Variants in PRDM6 observed in about 807,000 individuals in gnomAD.
The protein encoded by PRDM6 is putative histone-lysine N-methyltransferase PRDM6.
In PRDM6, 25 loss-of-function variants were observed where a neutral mutation model predicts 60.8. That is an observed-to-expected ratio of 0.41 (90% CI 0.30 to 0.57). PRDM6 has a LOEUF of 0.57. Ranked by LOEUF, PRDM6 falls within the 20% of genes least tolerant of loss-of-function variation. PRDM6 has a pLI of 0.27. For synonymous variants in PRDM6, 407 were observed against 357.4 expected, an observed-to-expected ratio of 1.14 and a Z score of -1.57; for missense variants, 839 against 821.3, an observed-to-expected ratio of 1.02 and a Z score of -0.26.
In PRDM6 at chr5:123,170,801, A is replaced by G. The variant is rs878951303; in HGVS notation, c.1189A>G (p.Arg397Gly). ...VPSTVMEAMC[R>G]QDALQPFNKS... The stretch of plus-strand genomic sequence containing the variant: ...TTCAACGGTAATGGAAGCCATGTGC[A>G]GACAAGACGCCCTGCAGCCCTTCAA... The change falls in exon 6 of 8, where the codon AGA becomes GGA. Residue 397 changes from arginine (R) to glycine (G), a missense_variant. Arg to Gly is a moderately radical substitution (Grantham distance 125). Coordinates refer to ENST00000407847, the MANE Select transcript of PRDM6 (RefSeq NM_001136239.4). 6.4e-7 allele frequency: 1 copy of G among 1,551,798 alleles called. No individual in the cohort carries two copies. Among genetic ancestry groups the G allele is most frequent in the African/African-American group, 1.4e-5 (1 of 73,044 alleles).
At chr5:123,095,387 A>C (rs2150205897) in intron 2 of PRDM6, among the ~76,000 whole-genome samples, 1 of 152,326 alleles carries the variant, frequency 6.6e-6, no homozygotes, top group East Asian at 1.9e-4. Flanking sequence ...CTATAGCTCG[A>C]GAAGGCAGTG....
In PRDM6 at chr5:123,187,259, C is replaced by T; in HGVS notation, c.*58C>T. ...AAGTCATGATTAAATGTCACGGACA[C>T]TTAAGCAAAACCAAAGATTTCCTCT... On this transcript the variant is annotated 3_prime_UTR_variant, in exon 8 of 8. Coordinates refer to ENST00000407847, the MANE Select transcript of PRDM6 (RefSeq NM_001136239.4). The T allele has an allele frequency of 1.3e-5, 17 of 1,352,770 alleles. No individual in the cohort carries two copies. The South Asian group carries it at 1.8e-4, about 14-fold the overall frequency. 83.8% of individuals were successfully genotyped at this position (1,352,770 alleles called of 1,614,324 possible).
chr5:123,164,548 C>T (rs1361131292), intron 5 of PRDM6, among the ~76,000 whole-genome samples: 1 of 152,162 alleles, frequency 6.6e-6, no homozygotes, highest in Non-Finnish European at 1.5e-5. Flanking sequence ...TGGTCTAGAG[C>T]TGTTGAAACC....
chr5:123,103,133 A>G (rs566590710), intron 3 of PRDM6, among the ~76,000 whole-genome samples: 10 of 152,196 alleles, frequency 6.6e-5, no homozygotes, highest in African/African-American at 2.4e-4. Flanking sequence ...GAAGTTAAAT[A>G]TCATTTCATT....
At chr5:123,187,039 C>A in intron 7 of PRDM6, 48 bp from the exon 8 acceptor site, 1 of 1,396,000 alleles carries the variant, frequency 7.2e-7, no homozygotes, top group Non-Finnish European at 9.9e-7. Context: ...GCCCATCACC[C>A]TGCAGGCCCC....
At chr5:123,094,837 A>T (rs577464367) in intron 2 of PRDM6, among the ~76,000 whole-genome samples, 1 of 152,190 alleles carries the variant, frequency 6.6e-6, no homozygotes, top group Admixed American at 6.5e-5. Context: ...CACCCTCACA[A>T]ACTGGCGCTC....
chr5:123,181,123 GTTCA>G (rs1393177018), intron 7 of PRDM6, among the ~76,000 whole-genome samples: 1 of 152,222 alleles, frequency 6.6e-6, no homozygotes, highest in Non-Finnish European at 1.5e-5. Context: ...TTATGTATGT[GTTCA>G]TTCATTCAGC....
intron 4 of PRDM6, among the ~76,000 whole-genome samples, chr5:123,157,396 G>C (rs1015374538): frequency 6.6e-5 from 10 of 152,106 alleles, no homozygotes; most frequent in African/African-American, 1.9e-4. Context: ...GAGATAGTTT[G>C]GTTCTGTAAT....
intron 3 of PRDM6, among the ~76,000 whole-genome samples, chr5:123,154,599 C>T (rs778947895): frequency 4.2e-4 from 64 of 152,152 alleles, no homozygotes; most frequent in Non-Finnish European, 7.6e-4. Flanking sequence ...AGCCCGTTTG[C>T]ACCCCCTCCC....
intron 4 of PRDM6, 124 bp from the exon 5 acceptor site, chr5:123,159,390 A>AT: frequency 1.8e-6 from 2 of 1,104,022 alleles, no homozygotes; most frequent in Non-Finnish European, 2.5e-6. Flanking sequence ...TTGGATGTAA[A>AT]TTTATTACAA....
At chr5:123,168,265 T>C (rs1164548047) in intron 5 of PRDM6, among the ~76,000 whole-genome samples, 3 of 152,180 alleles carry the variant, frequency 2.0e-5, no homozygotes, top group African/African-American at 7.2e-5. Context: ...AGTATATGTA[T>C]AACGTAAGTA....
At chr5:123,108,070 C>A (rs1191748793) in intron 3 of PRDM6, among the ~76,000 whole-genome samples, 2 of 152,110 alleles carry the variant, frequency 1.3e-5, no homozygotes, top group Non-Finnish European at 2.9e-5. Context: ...ATAACACATG[C>A]TTTTCCCAGT....
At chr5:123,103,975 T>C (rs1764154337) in intron 3 of PRDM6, among the ~76,000 whole-genome samples, 2 of 152,244 alleles carry the variant, frequency 1.3e-5, no homozygotes, top group Admixed American at 6.5e-5. Flanking sequence ...TTACAGAACC[T>C]GTCTTCTCTT....
chr5:123,175,521 T>G (rs1457592449), intron 6 of PRDM6, among the ~76,000 whole-genome samples: 1 of 152,250 alleles, frequency 6.6e-6, no homozygotes, highest in Non-Finnish European at 1.5e-5. Flanking sequence ...GGTTATCTTC[T>G]TTCTAGCTTT....
intron 7 of PRDM6, among the ~76,000 whole-genome samples, chr5:123,182,089 G>T (rs1484300195): frequency 6.6e-6 from 1 of 152,218 alleles, no homozygotes; most frequent in Non-Finnish European, 1.5e-5. Context: ...TCTGTACTAT[G>T]CCACCCATGC....
chr5:123,165,502 T>C (rs1377332232), intron 5 of PRDM6, among the ~76,000 whole-genome samples: 1 of 152,236 alleles, frequency 6.6e-6, no homozygotes, highest in African/African-American at 2.4e-5. Flanking sequence ...CACACTTTCT[T>C]TCTTTAGTTC....
chr5:123,123,908 G>A (rs1580497077), intron 3 of PRDM6, among the ~76,000 whole-genome samples: 1 of 152,222 alleles, frequency 6.6e-6, no homozygotes, highest in Admixed American at 6.5e-5. Flanking sequence ...GCTGAGGTAT[G>A]GGTGGAGAAA....
intron 5 of PRDM6, among the ~76,000 whole-genome samples, chr5:123,164,564 G>T (rs1419249730): frequency 6.6e-6 from 1 of 152,140 alleles, no homozygotes; most frequent in Non-Finnish European, 1.5e-5. Context: ...AAACCTGTAG[G>T]TTCCTAGAAG....
chr5:123,176,254 T>C (rs1766005182), intron 6 of PRDM6, among the ~76,000 whole-genome samples: 1 of 119,372 alleles, frequency 8.4e-6, no homozygotes, highest in South Asian at 2.8e-4. Flanking sequence ...ACAACACTAC[T>C]AAAGATCTCA....
Sources: allele counts gnomAD v4.1 joint callset (sites outside exome capture counted in the v4.1 genomes callset), GRCh38; gene constraint gnomAD v4.1.1; transcripts MANE v1.5; gene names NCBI Gene and HGNC (gene_info 2026-07-23, HGNC 2026-07-21).